Variants in ENTREP1 observed in about 807,000 individuals in gnomAD.
ENTREP1 encodes the protein endosomal transmembrane epsin interactor 1, also known as Friedreich ataxia region gene X123.
At chr9:69,331,389 T>C in the ENTREP1 span, among the ~76,000 whole-genome samples, 2 of 152,166 alleles carry the variant, frequency 1.3e-5, no homozygotes, top group Non-Finnish European at 2.9e-5. Context: ...TAACCATTTA[T>C]GGTGGGTAAC....
At chr9:69,366,389 T>TTTTTTG in the ENTREP1 span, among the ~76,000 whole-genome samples, 1 of 151,240 alleles carries the variant, frequency 6.6e-6, no homozygotes, top group Non-Finnish European at 1.5e-5. Context: ...ACTGGGGTTT[T>TTTTTTG]TTTTTTTTTT....
the ENTREP1 span, among the ~76,000 whole-genome samples, chr9:69,368,867 GAT>G: frequency 6.6e-6 from 1 of 151,934 alleles, no homozygotes; most frequent in Admixed American, 6.6e-5. Context: ...TAAGTTCTGG[GAT>G]ACATGTGCAG....
the ENTREP1 span, among the ~76,000 whole-genome samples, chr9:69,345,499 T>G: frequency 6.6e-6 from 1 of 152,206 alleles, no homozygotes; most frequent in African/African-American, 2.4e-5. Context: ...TACCTATATC[T>G]CAAACACACC....
chr9:69,334,438 T>A, the ENTREP1 span, among the ~76,000 whole-genome samples: 1 of 152,284 alleles, frequency 6.6e-6, no homozygotes, highest in Non-Finnish European at 1.5e-5. Flanking sequence ...CTAGTGAGAA[T>A]GGAGAATATT....
At chr9:69,347,356 T>G in the ENTREP1 span, among the ~76,000 whole-genome samples, 1 of 152,302 alleles carries the variant, frequency 6.6e-6, no homozygotes, top group African/African-American at 2.4e-5. Context: ...AACAGGCAGA[T>G]GAACTCTCCC....
chr9:69,325,396 TGCCGCCGCCGCTCAGGA>T, the ENTREP1 span: 38 of 1,097,258 alleles, frequency 3.5e-5, no homozygotes, highest in Non-Finnish European at 4.1e-5. Flanking sequence ...CGGGCGCCGC[TGCCGCCGCCGCTCAGGA>T]GCCGCCGCTG....
At chr9:69,373,801 C>T in the ENTREP1 span, among the ~76,000 whole-genome samples, 4 of 152,248 alleles carry the variant, frequency 2.6e-5, no homozygotes, top group South Asian at 2.1e-4. Context: ...TTCTATCCAT[C>T]GCTTTTAAAT....
chr9:69,390,895 CCT>C, the ENTREP1 span, among the ~76,000 whole-genome samples: 1 of 152,262 alleles, frequency 6.6e-6, no homozygotes, highest in African/African-American at 2.4e-5. Flanking sequence ...TCTGCCTCAG[CCT>C]CCCAAGTAGC....
At chr9:69,367,724 TATAA>T in the ENTREP1 span, among the ~76,000 whole-genome samples, 14,860 of 77,214 alleles carry the variant, frequency 0.19, 4,190 homozygotes, top group South Asian at 0.29. Flanking sequence ...TACACATATA[TATAA>T]AAATATATAT....
chr9:69,325,492 C>A, the ENTREP1 span: 7 of 945,016 alleles, frequency 7.4e-6, no homozygotes, highest in Non-Finnish European at 8.8e-6. Flanking sequence ...GCGCGGCCAC[C>A]GCTGCTGCCG....
chr9:69,340,663 G>GTA, the ENTREP1 span, among the ~76,000 whole-genome samples: 16 of 110,372 alleles, frequency 1.4e-4, no homozygotes, highest in Non-Finnish European at 9.6e-5. Context: ...ATGTGTGTGT[G>GTA]TGCGTGTGTG....
the ENTREP1 span, among the ~76,000 whole-genome samples, chr9:69,367,886 C>CATATATATACACAT: frequency 1.4e-4 from 18 of 129,970 alleles, no homozygotes; most frequent in South Asian, 4.6e-4. Flanking sequence ...TATATATACA[C>CATATATATACACAT]ATATATATAT....
At chr9:69,356,767 G>A in the ENTREP1 span, among the ~76,000 whole-genome samples, 1 of 152,060 alleles carries the variant, frequency 6.6e-6, no homozygotes, top group South Asian at 2.1e-4. Flanking sequence ...CACCTTATTG[G>A]ACCAATAAAT....
At chr9:69,338,476 T>C in the ENTREP1 span, among the ~76,000 whole-genome samples, 52 of 152,328 alleles carry the variant, frequency 3.4e-4, no homozygotes, top group South Asian at 8.3e-3. Flanking sequence ...TAAGAATAGA[T>C]TCAAGAAAGT....
At chr9:69,329,593 A>C in the ENTREP1 span, 8 of 985,192 alleles carry the variant, frequency 8.1e-6, no homozygotes, top group Non-Finnish European at 2.4e-6. Context: ...TGAGCATTTG[A>C]TTTCTTCCTG....
At chr9:69,352,417 C>T in the ENTREP1 span, among the ~76,000 whole-genome samples, 1 of 152,288 alleles carries the variant, frequency 6.6e-6, no homozygotes, top group South Asian at 2.1e-4. Flanking sequence ...CTGCACCCAG[C>T]CATGTTGTTA....
the ENTREP1 span, chr9:69,384,099 T>G: frequency 4.1e-5 from 47 of 1,137,902 alleles, no homozygotes; most frequent in Non-Finnish European, 5.7e-5. Flanking sequence ...GGCTTATCTC[T>G]GTAATCCCAG....
the ENTREP1 span, among the ~76,000 whole-genome samples, chr9:69,340,573 A>G: frequency 7.2e-6 from 1 of 139,718 alleles, no homozygotes; most frequent in Non-Finnish European, 1.6e-5. Context: ...ATGACTAAGA[A>G]TAAGCTAGGA....
chr9:69,325,315 C>T, the ENTREP1 span: 44 of 1,185,398 alleles, frequency 3.7e-5, no homozygotes, highest in East Asian at 1.2e-3. Context: ...CGTCCATGTC[C>T]CTGCCCGTGG....
Sources: allele counts gnomAD v4.1 joint callset (sites outside exome capture counted in the v4.1 genomes callset), GRCh38; gene constraint gnomAD v4.1.1; transcripts MANE v1.5; gene names NCBI Gene and HGNC (gene_info 2026-07-23, HGNC 2026-07-21).